Variants in TCEANC2 observed in about 807,000 individuals in gnomAD.
TCEANC2 encodes the protein transcription elongation factor A N-terminal and central domain containing 2, also known as transcription elongation factor A N-terminal and central domain-containing protein 2.
In TCEANC2, 20 loss-of-function variants were observed where a neutral mutation model predicts 22.8. The observed-to-expected ratio is 0.88, with a 90% CI of 0.62 to 1.28. The LOEUF (loss-of-function observed/expected upper bound fraction) is 1.28, where lower values mean the gene tolerates loss of function less well. Among genes scored for constraint, TCEANC2 ranks in the 50% most tolerant of loss-of-function variants. The pLI is 0.00. For synonymous variants in TCEANC2, 84 were observed against 95.5 expected, an observed-to-expected ratio of 0.88 and a Z score of 0.70; for missense variants, 251 against 249.7, an observed-to-expected ratio of 1.01 and a Z score of -0.03.
intron 3 of TCEANC2, among the ~76,000 whole-genome samples, chr1:54,074,273 C>T (rs946214992): frequency 4.6e-5 from 7 of 152,142 alleles, no homozygotes; most frequent in African/African-American, 1.4e-4. Flanking sequence ...ACCATCTTGG[C>T]TAACACAGTG....
At chr1:54,072,385 TC>T (rs1448087808) in intron 3 of TCEANC2, among the ~76,000 whole-genome samples, 3 of 149,024 alleles carry the variant, frequency 2.0e-5, no homozygotes, top group East Asian at 3.9e-4. Context: ...ATTTGCTTTA[TC>T]CCCCCCAAAT....
At position 54,088,655 on chromosome 1, in the gene TCEANC2, A is replaced by C; in HGVS notation, c.303A>C (p.Arg101Ser). 6.2e-7 allele frequency: 1 copy of C among 1,609,300 alleles called. No homozygotes were observed. Residue 101 changes from arginine (R) to serine (S), a missense_variant, in exon 4 of 5, where the codon AGA becomes AGC. By Grantham distance (110) the Arg-to-Ser change is moderately radical. Transcript: ENST00000234827. ...HSDSEVASLA[R>S]EVYTEWKTFT... ...ATTCAGAAGTGGCTTCTCTTGCCAG[A>C]GAAGTTTACACTGAGTGGAAAACTT...
chr1:54,085,119 T>A (rs1278210880), intron 3 of TCEANC2, among the ~76,000 whole-genome samples: 1 of 152,212 alleles, frequency 6.6e-6, no homozygotes, highest in Non-Finnish European at 1.5e-5. Flanking sequence ...TCTTGATAAA[T>A]AATTGGTTAG....
chr1:54,078,211 T>C (rs902241159), intron 3 of TCEANC2, among the ~76,000 whole-genome samples: 17 of 152,234 alleles, frequency 1.1e-4, no homozygotes, highest in African/African-American at 3.9e-4. Flanking sequence ...TTATAATTTT[T>C]CTTATATATT....
chr1:54,071,333 T>G (rs538814954), intron 3 of TCEANC2, among the ~76,000 whole-genome samples: 1 of 152,314 alleles, frequency 6.6e-6, no homozygotes, highest in African/African-American at 2.4e-5. Flanking sequence ...GGGTCTCTTA[T>G]GAGGTTGCAG....
At chr1:54,107,962 G>A (rs193134938), downstream of TCEANC2, among the ~76,000 whole-genome samples, 1 of 152,326 alleles carries the variant, frequency 6.6e-6, no homozygotes, top group East Asian at 1.9e-4. Context: ...ATGTTTGTAA[G>A]TGTCCACATA....
Position 54,054,371 on chromosome 1 carries a change from T to A in TCEANC2, c.-42-10T>A. 1 of 1,609,680 alleles carries A rather than the reference T, an allele frequency of 6.2e-7. No homozygotes were observed. The highest frequency in any genetic ancestry group is 8.5e-7 in the Non-Finnish European group (1 of 1,178,194). On this transcript the variant is annotated splice_polypyrimidine_tract_variant and intron_variant, in intron 1 of 4. Coordinates refer to ENST00000234827, the MANE Select transcript of TCEANC2 (RefSeq NM_153035.3). ...GTGGGGTTTTAGAATCTGCCCTCTT[T>A]CTTGACCAGAACACGCTGCAAGCAC...
chr1:54,096,687 CAG>C lies in TCEANC2; in HGVS notation c.*216_*217del. ...GCTGCAGTGCGCTGGTGCTGCCTAACAGAACGCACACTGGCTGTCACTAGGAA... is the reference window on the plus strand; with the variant it reads ...GCTGCAGTGCGCTGGTGCTGCCTAACAACGCACACTGGCTGTCACTAGGAA... On this transcript the variant is annotated 3_prime_UTR_variant, in exon 5 of 5. Transcript: ENST00000234827. This position sits in a 1 kb window ranked among gnomAD's most constrained non-coding sequence, Gnocchi z 4.9. 2.4e-6 allele frequency: 3 copies of C among 1,242,954 alleles called. No individual in the cohort carries two copies. The highest frequency in any genetic ancestry group is 3.1e-6 in the Non-Finnish European group (3 of 967,816). 77.0% of individuals were successfully genotyped at this position (1,242,954 alleles called of 1,614,324 possible).
At position 54,096,495 on chromosome 1, in the gene TCEANC2, G is replaced by A. The variant is rs1482532130; in HGVS notation, c.*22G>A. The stretch of plus-strand genomic sequence containing the variant: ...GTGACCTGAGGACGGTTCCAGCCCT[G>A]GGCCAGGCAGAGAGGAAAATGGGCC... On this transcript the variant is annotated 3_prime_UTR_variant, in exon 5 of 5. Transcript: ENST00000234827. This position sits in a 1 kb window ranked among gnomAD's most constrained non-coding sequence, Gnocchi z 4.9. The A allele has an allele frequency of 6.3e-7, 1 of 1,576,444 alleles. No individual in the cohort carries two copies. Among genetic ancestry groups the A allele is most frequent in the South Asian group, 1.1e-5 (1 of 89,122 alleles).
rs76982116 is a variant in TCEANC2, at chr1:54,084,537, A to G, written c.245-4060A>G. ...GTGTTCTCCTCATCTCTGTATCCTCAGCACCAGGCATAAGGTAAATGCCCG... is the reference window on the plus strand; with the variant it reads ...GTGTTCTCCTCATCTCTGTATCCTCGGCACCAGGCATAAGGTAAATGCCCG... On this transcript the variant is annotated intron_variant, in intron 3 of 4. Coordinates refer to ENST00000234827, the MANE Select transcript of TCEANC2 (RefSeq NM_153035.3). 5.3e-3 allele frequency among the ~76,000 whole-genome samples: 805 copies of G among 152,196 alleles called. 6 individuals carry two copies. Among genetic ancestry groups the G allele is most frequent in the African/African-American group, 0.018 (740 of 41,516 alleles).
At chr1:54,070,764 G>T (rs1658041507) in intron 3 of TCEANC2, among the ~76,000 whole-genome samples, 1 of 152,142 alleles carries the variant, frequency 6.6e-6, no homozygotes, top group African/African-American at 2.4e-5. Context: ...CTATCCTGTG[G>T]GTTATAAGGG....
Position 54,105,500 on chromosome 1 carries a change from C to G in TCEANC2, c.*9027C>G, listed in dbSNP as rs1658736930. 1 of 152,312 alleles carries G rather than the reference C, an allele frequency of 6.6e-6. No homozygotes were observed. The highest frequency in any genetic ancestry group is 2.4e-5 in the African/African-American group (1 of 41,458). 9.4% of individuals were successfully genotyped at this position (152,312 alleles called of 1,614,324 possible). ...GCAATCCTGCTTCCTTTCCTGCCCC[C>G]TTCCCAAGAGCAATCCCTGATAAAC... On this transcript the variant is annotated 3_prime_UTR_variant, in exon 5 of 5. Coordinates refer to ENST00000234827, the MANE Select transcript of TCEANC2 (RefSeq NM_153035.3).
downstream of TCEANC2, among the ~76,000 whole-genome samples, chr1:54,108,904 G>A (rs548298538): frequency 1.2e-4 from 18 of 152,192 alleles, no homozygotes; most frequent in African/African-American, 3.9e-4. Context: ...CCCGGGTGGC[G>A]GGGCTTGCAG....
chr1:54,091,764 T>C (rs1296529351), intron 4 of TCEANC2, among the ~76,000 whole-genome samples: 2 of 152,244 alleles, frequency 1.3e-5, no homozygotes, highest in Non-Finnish European at 2.9e-5. Context: ...CCCCATCTTT[T>C]AGATCTTTCC....
chr1:54,089,171 A>C (rs1658395526), intron 4 of TCEANC2, among the ~76,000 whole-genome samples: 1 of 152,240 alleles, frequency 6.6e-6, no homozygotes, highest in Admixed American at 6.5e-5. Flanking sequence ...AAAAAGGTTA[A>C]ATGAATCATA....
intron 3 of TCEANC2, among the ~76,000 whole-genome samples, chr1:54,070,828 TGAA>T (rs1429584877): frequency 1.3e-5 from 2 of 152,356 alleles, no homozygotes; most frequent in East Asian, 3.9e-4. Context: ...GGCATAATAA[TGAA>T]GGAGACAGAT....
chr1:54,059,288 G>A lies in TCEANC2; in HGVS notation c.102+4764G>A, dbSNP rs868198158. 3.7e-4 allele frequency among the ~76,000 whole-genome samples: 56 copies of A among 152,138 alleles called. No homozygotes were observed. The Middle Eastern group carries it at 0.01, about 28-fold the overall frequency. ...CTGCCTCAGCCTCCCAAGTAGCTGG[G>A]ATTACAGGTGCCTGCCACCACACCG... On this transcript the variant is annotated intron_variant, in intron 2 of 4. Transcript: ENST00000234827.
intron 3 of TCEANC2, among the ~76,000 whole-genome samples, chr1:54,074,994 G>A (rs774686206): frequency 1.3e-5 from 2 of 152,208 alleles, no homozygotes; most frequent in Non-Finnish European, 2.9e-5. Flanking sequence ...AGAAGTTAGT[G>A]TAGGAGAATA....
chr1:54,079,677 G>A (rs945419959), intron 3 of TCEANC2, among the ~76,000 whole-genome samples: 1 of 152,110 alleles, frequency 6.6e-6, no homozygotes, highest in African/African-American at 2.4e-5. Context: ...ACTAGATTGG[G>A]CCCACTTGGA....
Sources: allele counts gnomAD v4.1 joint callset (sites outside exome capture counted in the v4.1 genomes callset), GRCh38; gene constraint gnomAD v4.1.1; non-coding constraint Gnocchi (gnomAD v3.1); transcripts MANE v1.5; gene names NCBI Gene and HGNC (gene_info 2026-07-23, HGNC 2026-07-21).